Variants in LRFN5 observed in about 807,000 individuals in gnomAD.
The protein encoded by LRFN5 is leucine-rich repeat and fibronectin type-III domain-containing protein 5.
In LRFN5, 24 loss-of-function variants were observed where a neutral mutation model predicts 45.6. The ratio of observed to expected loss-of-function variants is 0.53; its 90% confidence interval spans 0.38 to 0.74. The LOEUF is 0.74. LRFN5 is among the 30% of genes least tolerant of loss of function. The probability of loss-of-function intolerance (pLI) is 0.00; values close to 1 mark genes in which losing one functional copy is unlikely to be tolerated. For missense variants in LRFN5, 776 were observed against 861.5 expected (o/e 0.90, Z 1.24); for synonymous variants, 340 against 313.8 (o/e 1.08, Z -0.88).
chr14:41,656,505 A>T (rs979420174), intron 1 of LRFN5, among the ~76,000 whole-genome samples: 22 of 151,916 alleles, frequency 1.4e-4, no homozygotes, highest in African/African-American at 5.1e-4. Context: ...TTTTTAAAAG[A>T]TTTGATGAAT....
chr14:41,768,984 T>A (rs990467660), intron 2 of LRFN5, among the ~76,000 whole-genome samples: 9 of 152,102 alleles, frequency 5.9e-5, no homozygotes, highest in Admixed American at 4.6e-4. Flanking sequence ...TTTTTTAAAT[T>A]AGCAGTCCAT....
intron 2 of LRFN5, among the ~76,000 whole-genome samples, chr14:41,777,984 A>G (rs1464906038): frequency 7.1e-6 from 1 of 140,918 alleles, no homozygotes; most frequent in Non-Finnish European, 1.6e-5. Flanking sequence ...AACCATTAAG[A>G]AGATGCATGG....
chr14:41,883,575 G>T (rs561178464), intron 2 of LRFN5, among the ~76,000 whole-genome samples: 14 of 152,162 alleles, frequency 9.2e-5, no homozygotes, highest in African/African-American at 3.4e-4. Context: ...ATCCTGCCTA[G>T]GTTGCTAGGT....
intron 2 of LRFN5, among the ~76,000 whole-genome samples, chr14:41,772,050 T>C (rs1394305559): frequency 1.3e-5 from 2 of 152,148 alleles, no homozygotes; most frequent in Non-Finnish European, 2.9e-5. Flanking sequence ...CTTAGGAAGC[T>C]TACCGTCATG....
chr14:41,890,612 C>G (rs370136111), intron 3 of LRFN5, among the ~76,000 whole-genome samples: 118 of 150,866 alleles, frequency 7.8e-4, no homozygotes, highest in African/African-American at 2.3e-3. Context: ...CAGGCTGAGG[C>G]AGGAGAATGG....
intron 1 of LRFN5, among the ~76,000 whole-genome samples, chr14:41,612,362 A>C (rs1887786529): frequency 6.6e-6 from 1 of 152,158 alleles, no homozygotes; most frequent in Admixed American, 6.5e-5. Flanking sequence ...TAAAGGCTTA[A>C]CTGGCTAACC....
chr14:41,682,307 T>G (rs564737325), intron 1 of LRFN5, among the ~76,000 whole-genome samples: 1 of 151,860 alleles, frequency 6.6e-6, no homozygotes, highest in African/African-American at 2.4e-5. Flanking sequence ...ATAGACAGTA[T>G]AATAAGATAC....
chr14:41,856,675 A>AT (rs1555326982), intron 2 of LRFN5, among the ~76,000 whole-genome samples: 4 of 18,324 alleles, frequency 2.2e-4, no homozygotes, highest in African/African-American at 3.8e-4. Flanking sequence ...TATTATTATT[A>AT]TTTTTTTTTT....
chr14:41,818,834 C>T (rs1458862333), intron 2 of LRFN5, among the ~76,000 whole-genome samples: 1 of 152,074 alleles, frequency 6.6e-6, no homozygotes, highest in East Asian at 1.9e-4. Flanking sequence ...GTGTATCTAT[C>T]ACCTGAATAG....
chr14:41,675,930 A>G (rs541904402), intron 1 of LRFN5, among the ~76,000 whole-genome samples: 7 of 152,302 alleles, frequency 4.6e-5, no homozygotes, highest in African/African-American at 1.4e-4. Context: ...ATAACTTTAT[A>G]AAAACAGCGA....
chr14:41,625,200 C>A (rs1888285570), intron 1 of LRFN5, among the ~76,000 whole-genome samples: 1 of 151,956 alleles, frequency 6.6e-6, no homozygotes, highest in Non-Finnish European at 1.5e-5. Flanking sequence ...TATGGTTTGG[C>A]TTTCTGTCCC....
chr14:41,893,097 T>C, intron 4 of LRFN5: 4 of 985,068 alleles, frequency 4.1e-6, no homozygotes, highest in Non-Finnish European at 4.8e-6. Context: ...ACTATAGTTT[T>C]TGCATTTGAA....
At chr14:41,873,986 A>C (rs1276978074) in intron 2 of LRFN5, among the ~76,000 whole-genome samples, 1 of 152,216 alleles carries the variant, frequency 6.6e-6, no homozygotes, top group Non-Finnish European at 1.5e-5. Flanking sequence ...TAAAGTAATA[A>C]ATCATTTATT....
intron 1 of LRFN5, among the ~76,000 whole-genome samples, chr14:41,681,356 T>C (rs1410304882): frequency 1.3e-5 from 2 of 152,090 alleles, no homozygotes; most frequent in East Asian, 3.9e-4. Context: ...AAAGAAAAGA[T>C]TTTAAAAATA....
intron 2 of LRFN5, among the ~76,000 whole-genome samples, chr14:41,784,337 T>C (rs1167588544): frequency 5.9e-5 from 9 of 152,120 alleles, no homozygotes; most frequent in Admixed American, 6.5e-5. Flanking sequence ...TCCTCCAACA[T>C]TGTTGTATTT....
chr14:41,749,018 G>A (rs1175904526), intron 1 of LRFN5, among the ~76,000 whole-genome samples: 3 of 151,898 alleles, frequency 2.0e-5, no homozygotes, highest in Non-Finnish European at 2.9e-5. Flanking sequence ...GTGGAAGTGA[G>A]GACACCAGAC....
intron 2 of LRFN5, among the ~76,000 whole-genome samples, chr14:41,818,729 T>G (rs568488144): frequency 6.6e-6 from 1 of 152,280 alleles, no homozygotes; most frequent in South Asian, 2.1e-4. Context: ...GATTCTTTGT[T>G]TCATCTCTTT....
intron 5 of LRFN5, among the ~76,000 whole-genome samples, chr14:41,899,877 G>A (rs1489537032): frequency 1.3e-5 from 2 of 152,048 alleles, no homozygotes; most frequent in Non-Finnish European, 2.9e-5. Context: ...AACAGCAGAT[G>A]GCTCATTGGA....
intron 1 of LRFN5, among the ~76,000 whole-genome samples, chr14:41,753,537 G>A (rs1885233310): frequency 1.3e-5 from 2 of 152,132 alleles, no homozygotes; most frequent in South Asian, 2.1e-4. Context: ...AATTGTGAAT[G>A]GGAGTTCACT....
Sources: allele counts gnomAD v4.1 joint callset (sites outside exome capture counted in the v4.1 genomes callset), GRCh38; gene constraint gnomAD v4.1.1; transcripts MANE v1.5; gene names NCBI Gene and HGNC (gene_info 2026-07-23, HGNC 2026-07-21).